CDKL3: variants seen among roughly 807,000 people sequenced by gnomAD.
CDKL3 encodes the protein cyclin-dependent kinase-like 3.
A neutral mutation model predicts 69.3 loss-of-function variants in CDKL3; 65 were observed. The ratio of observed to expected loss-of-function variants is 0.94; its 90% CI spans 0.77 to 1.15. The LOEUF (loss-of-function observed/expected upper bound fraction) is 1.15. Ranked by LOEUF, CDKL3 falls within the 50% of genes most tolerant of loss-of-function variation. The pLI, the probability that CDKL3 is intolerant of heterozygous loss-of-function variation, is 0.00. For missense variants in CDKL3, 652 were observed against 689.2 expected, an observed-to-expected ratio of 0.95 and a Z score of 0.61; for synonymous variants, 202 against 221.6, an observed-to-expected ratio of 0.91 and a Z score of 0.79.
chr5:134,324,399 T>TTA (rs1181461528), intron 4 of CDKL3, among the ~76,000 whole-genome samples: 1 of 152,218 alleles, frequency 6.6e-6, no homozygotes, highest in African/African-American at 2.4e-5. Flanking sequence ...ACACGAATGC[T>TTA]TATAACAGCT....
chr5:134,293,992 G>C (rs1304708270), downstream of CDKL3, among the ~76,000 whole-genome samples: 2 of 151,652 alleles, frequency 1.3e-5, no homozygotes, highest in Non-Finnish European at 2.9e-5. Context: ...CATGGCTGCA[G>C]TGACTACTTG....
rs1263111311 is a variant in CDKL3, at chr5:134,330,400, A to G, written c.540-8497T>C. Among the ~76,000 whole-genome samples the G allele has an allele frequency of 2.0e-5, 3 of 152,186 alleles. No individual in the cohort carries two copies. In the East Asian group the frequency reaches 5.8e-4, roughly 29 times the overall value. On this transcript the variant is annotated intron_variant, in intron 4 of 12. Transcript: ENST00000265334. ...GGACACTCTGGTGAAGCTTTCCCAG[A>G]CGTTTATTTTGCTAAATCTTTGGCT...
At chr5:134,308,910 A>C (rs924752504) in intron 7 of CDKL3, among the ~76,000 whole-genome samples, 183 bp from the exon 8 acceptor site, 1 of 152,376 alleles carries the variant, frequency 6.6e-6, no homozygotes, top group East Asian at 1.9e-4. Flanking sequence ...TTCTAAAGAT[A>C]CATCTTTCGA....
intron 3 of CDKL3, among the ~76,000 whole-genome samples, chr5:134,356,619 A>T (rs1264030886): frequency 2.0e-5 from 3 of 152,110 alleles, no homozygotes; most frequent in Non-Finnish European, 4.4e-5. Flanking sequence ...CCCCGACTCT[A>T]CTAAAAATAC....
chr5:134,367,558 A>G (rs1757756612), upstream of CDKL3, among the ~76,000 whole-genome samples: 2 of 152,032 alleles, frequency 1.3e-5, no homozygotes, highest in African/African-American at 4.8e-5. Flanking sequence ...TTTTTAGTAG[A>G]GACGGGGTTT....
chr5:134,304,439 G>A lies in CDKL3; in HGVS notation c.1587C>T (p.Val529=), dbSNP rs976018951. The A allele has an allele frequency of 6.2e-7, 1 of 1,612,670 alleles. No homozygotes were observed. Among genetic ancestry groups the A allele is most frequent in the Non-Finnish European group, 8.5e-7 (1 of 1,179,378 alleles). Residue 529 remains valine, a synonymous_variant, in exon 11 of 13, where the codon GTC becomes GTT. Transcript: ENST00000265334. ...RKEFHFPELP[V]TIQSKDTKGM... is the part of the protein sequence containing the mutation. ...CTTTTGTATCTTTTGACTGTATTGT[G>A]ACAGGCAATTCTGGAAAATGGAATT...
chr5:134,361,590 CA>C (rs1161187157), intron 2 of CDKL3, among the ~76,000 whole-genome samples: 1 of 152,104 alleles, frequency 6.6e-6, no homozygotes, highest in African/African-American at 2.4e-5. Flanking sequence ...GCAGCAATAG[CA>C]TATTGACAGC....
intron 2 of CDKL3, among the ~76,000 whole-genome samples, chr5:134,364,738 C>G (rs1043456882): frequency 6.6e-6 from 1 of 152,018 alleles, no homozygotes; most frequent in African/African-American, 2.4e-5. Context: ...GTCTCGAACT[C>G]CTGACCTCAG....
intron 7 of CDKL3, among the ~76,000 whole-genome samples, chr5:134,309,139 G>A (rs1768701222): frequency 6.6e-6 from 1 of 152,044 alleles, no homozygotes; most frequent in Non-Finnish European, 1.5e-5. Flanking sequence ...AGGCATGAGT[G>A]CAATGGCACA....
intron 4 of CDKL3, among the ~76,000 whole-genome samples, chr5:134,342,493 G>A (rs553053605): frequency 2.6e-5 from 4 of 152,018 alleles, no homozygotes; most frequent in African/African-American, 7.2e-5. Context: ...CCAGCTACTC[G>A]GGAGGCTGAG....
chr5:134,302,401 C>T (rs796580533), intron 12 of CDKL3, among the ~76,000 whole-genome samples, 189 bp downstream of exon 12: 2 of 152,140 alleles, frequency 1.3e-5, no homozygotes, highest in African/African-American at 4.8e-5. Context: ...CATTACCCAC[C>T]AAAAAATAAC....
downstream of CDKL3, among the ~76,000 whole-genome samples, chr5:134,297,685 G>A (rs1470821255): frequency 2.0e-5 from 3 of 151,086 alleles, no homozygotes; most frequent in Non-Finnish European, 4.4e-5. Flanking sequence ...GGGTTCAAGC[G>A]ATTCTCGTGC....
intron 6 of CDKL3, among the ~76,000 whole-genome samples, chr5:134,317,085 T>C (rs1771290353): frequency 6.6e-6 from 1 of 152,198 alleles, no homozygotes; most frequent in African/African-American, 2.4e-5. Context: ...ATAAATTTTG[T>C]ACTAAATATG....
chr5:134,371,303 T>G (rs17167484), upstream of CDKL3: 61,528 of 537,106 alleles, frequency 0.11, 4,695 homozygotes, highest in African/African-American at 0.27. Flanking sequence ...CAAATTTGTC[T>G]ATTACTTCAG....
intron 11 of CDKL3, among the ~76,000 whole-genome samples, chr5:134,303,982 G>A (rs188614956): frequency 1.1e-3 from 169 of 150,792 alleles, no homozygotes; most frequent in African/African-American, 4.0e-3. Flanking sequence ...ATCCTGGAGT[G>A]CAGTACAGTG....
At chr5:134,306,742 C>T (rs897132248) in intron 9 of CDKL3, 40 bp from the exon 10 acceptor site, 3 of 723,266 alleles carry the variant, frequency 4.1e-6, no homozygotes, top group South Asian at 1.7e-5. Context: ...TAAAACTCCC[C>T]AGAAATGCTT....
chr5:134,337,318 C>T (rs369086455), intron 4 of CDKL3, among the ~76,000 whole-genome samples: 53 of 152,212 alleles, frequency 3.5e-4, no homozygotes, highest in African/African-American at 1.0e-3. Flanking sequence ...CTGGGTGAGG[C>T]GACGCCCCTC....
chr5:134,362,904 G>A (rs1256464329), intron 2 of CDKL3, among the ~76,000 whole-genome samples: 1 of 152,154 alleles, frequency 6.6e-6, no homozygotes, highest in Non-Finnish European at 1.5e-5. Context: ...CTCCAGCCTG[G>A]GCGACAGACA....
At chr5:134,345,704 G>C (rs1448454002) in intron 4 of CDKL3, among the ~76,000 whole-genome samples, 3 of 152,150 alleles carry the variant, frequency 2.0e-5, no homozygotes, top group Non-Finnish European at 4.4e-5. Context: ...GCCTGGATGA[G>C]CCAGGAGAAG....
Sources: gnomAD v4.1 joint callset for allele counts (sites outside exome capture counted in the v4.1 genomes callset) on GRCh38, gnomAD v4.1.1 for gene constraint, MANE v1.5 for transcripts, NCBI Gene and HGNC (gene_info 2026-07-23, HGNC 2026-07-21) for gene names.